SH3PXD2B: variants seen among roughly 807,000 people sequenced by gnomAD.
SH3PXD2B encodes the protein SH3 and PX domain-containing protein 2B.
SH3PXD2B carries 37 observed loss-of-function variants against 73.1 expected under a neutral mutation model. The ratio of observed to expected loss-of-function variants is 0.51; its 90% CI spans 0.39 to 0.67. SH3PXD2B has a LOEUF of 0.67. Among genes scored for constraint, SH3PXD2B ranks in the 30% least tolerant of loss-of-function variants. The pLI, the probability that SH3PXD2B is intolerant of heterozygous loss-of-function variation, is 0.00. For synonymous variants in SH3PXD2B, 457 were observed against 480.5 expected (o/e 0.95, Z 0.64); for missense variants, 1,053 against 1,197.8 (o/e 0.88, Z 1.78).
intron 5 of SH3PXD2B, among the ~76,000 whole-genome samples, chr5:172,379,720 C>T (rs1757900177): frequency 6.6e-6 from 1 of 152,222 alleles, no homozygotes; most frequent in Admixed American, 6.5e-5. Context: ...GGCAGTCACT[C>T]AGTCCTCAAC....
chr5:172,431,849 C>T (rs1759252828), intron 1 of SH3PXD2B, among the ~76,000 whole-genome samples: 1 of 152,050 alleles, frequency 6.6e-6, no homozygotes, highest in South Asian at 2.1e-4. Context: ...AACTTTGTTG[C>T]GTGTGTGTTT....
In SH3PXD2B at chr5:172,338,393, G is replaced by A; in HGVS notation, c.2712C>T (p.Ser904=). ...GAPSWEGWIP[S]NYLRKKP ...GCTACGGCTTCTTTCTGAGATAGTT[G>A]GAAGGAATCCACCCTTCCCAGGAAG... The change falls in exon 13 of 13, where the codon TCC becomes TCT. Residue 904 remains serine (S), a synonymous_variant. Transcript: ENST00000311601. This position sits in a 1 kb window ranked among gnomAD's most constrained non-coding sequence, Gnocchi z 5.1. 6.2e-7 allele frequency: 1 copy of A among 1,614,142 alleles called. No homozygotes were observed. The highest frequency in any genetic ancestry group is 1.1e-5 in the South Asian group (1 of 91,088).
intron 3 of SH3PXD2B, among the ~76,000 whole-genome samples, chr5:172,395,787 G>C (rs568929166): frequency 1.6e-3 from 237 of 151,740 alleles, no homozygotes; most frequent in African/African-American, 5.5e-3. Context: ...ATGGAGATAA[G>C]CCTCTACCAA....
chr5:172,392,349 C>T (rs1261063056), intron 4 of SH3PXD2B, among the ~76,000 whole-genome samples: 6 of 152,172 alleles, frequency 3.9e-5, no homozygotes, highest in African/African-American at 1.4e-4. Flanking sequence ...GGCCCTGCTG[C>T]CTAGACTTCC....
chr5:172,334,103 C>T lies in SH3PXD2B; in HGVS notation c.*4266G>A. On this transcript the variant is annotated 3_prime_UTR_variant, in exon 13 of 13. Coordinates refer to ENST00000311601, the MANE Select transcript of SH3PXD2B (RefSeq NM_001017995.3). Reference sequence around the variant, plus strand: ...TTGAGCCCCTCATCCCTGATTGGAGCTAAGAAGGCTTACTTTGGAGTCGAG... The same window carrying T: ...TTGAGCCCCTCATCCCTGATTGGAGTTAAGAAGGCTTACTTTGGAGTCGAG... 8.9e-7 allele frequency: 1 copy of T among 1,122,170 alleles called. No homozygotes were observed. The highest frequency in any genetic ancestry group is 1.1e-6 in the Non-Finnish European group (1 of 913,424). 69.5% of individuals were successfully genotyped at this position (1,122,170 alleles called of 1,614,324 possible).
intron 1 of SH3PXD2B, among the ~76,000 whole-genome samples, chr5:172,439,343 T>A (rs1759489419): frequency 6.6e-6 from 1 of 150,868 alleles, no homozygotes; most frequent in Admixed American, 6.6e-5. Flanking sequence ...CTATGAATCC[T>A]GCCTCTATAG....
chr5:172,411,967 C>T (rs558113086), intron 2 of SH3PXD2B, among the ~76,000 whole-genome samples: 59 of 151,866 alleles, frequency 3.9e-4, no homozygotes, highest in African/African-American at 1.3e-3. Context: ...GTGACTCCCC[C>T]CTCTCCCTCC....
At chr5:172,450,644 C>G (rs1759773956) in intron 1 of SH3PXD2B, among the ~76,000 whole-genome samples, 1 of 152,126 alleles carries the variant, frequency 6.6e-6, no homozygotes, top group Non-Finnish European at 1.5e-5. Context: ...CAGAGCAGGC[C>G]AGCATCTCCA....
chr5:172,433,685 G>A (rs2113487978), intron 1 of SH3PXD2B, among the ~76,000 whole-genome samples: 1 of 152,278 alleles, frequency 6.6e-6, no homozygotes, highest in African/African-American at 2.4e-5. Flanking sequence ...CAGCAGATGG[G>A]CCCCAACCCG....
intron 4 of SH3PXD2B, among the ~76,000 whole-genome samples, chr5:172,388,127 A>G (rs1241398530): frequency 2.0e-5 from 3 of 152,228 alleles, no homozygotes; most frequent in Non-Finnish European, 2.9e-5. Context: ...GAGTCTGTCT[A>G]TCCGTGTGCT....
At position 172,350,565 on chromosome 5, in the gene SH3PXD2B, G is replaced by A. The variant is rs1757139900; in HGVS notation, c.810C>T (p.Ala270=). The change falls in exon 10 of 13, where the codon GCC becomes GCT. Residue 270 remains alanine, a synonymous_variant. Transcript: ENST00000311601. ...KIRYQGKEGW[A]PASYLKKNSG... is the part of the protein sequence containing the mutation. ...TGTTCTTCTTTAGGTAGGAGGCGGG[G>A]GCCCAGCCTTCTTTGCCCTGGTACC... The A allele has an allele frequency of 1.9e-6, 3 of 1,611,616 alleles. No homozygotes were observed. The highest frequency in any genetic ancestry group is 2.2e-5 in the South Asian group (2 of 90,544).
chr5:172,430,377 T>TA (rs1227090156), intron 1 of SH3PXD2B, among the ~76,000 whole-genome samples: 2 of 152,314 alleles, frequency 1.3e-5, no homozygotes, highest in East Asian at 3.9e-4. Context: ...ATGGCCCCCA[T>TA]AGTCCTGGGA....
intron 2 of SH3PXD2B, among the ~76,000 whole-genome samples, chr5:172,414,456 T>TAAAAA (rs1007937801): frequency 6.4e-5 from 5 of 77,550 alleles, no homozygotes; most frequent in African/African-American, 1.5e-4. Context: ...GACTCCATCT[T>TAAAAA]AAAAAAAAAA....
At chr5:172,402,551 T>C (rs534346480) in intron 3 of SH3PXD2B, among the ~76,000 whole-genome samples, 1 of 152,270 alleles carries the variant, frequency 6.6e-6, no homozygotes, top group South Asian at 2.1e-4. Context: ...ATGTGATGTC[T>C]CCCCCAGACA....
In SH3PXD2B at chr5:172,398,938, T is replaced by C. The variant is rs372583127; in HGVS notation, c.233-4299A>G. Among the ~76,000 whole-genome samples, 18 of 152,300 alleles carry C rather than the reference T, an allele frequency of 1.2e-4. No homozygotes were observed. The South Asian group carries it at 3.5e-3, about 30-fold the overall frequency. On this transcript the variant is annotated intron_variant, in intron 3 of 12. Coordinates refer to ENST00000311601, the MANE Select transcript of SH3PXD2B (RefSeq NM_001017995.3). The stretch of plus-strand genomic sequence containing the variant: ...TCATTACACTCCCTTACTGGACTAA[T>C]AGTTCAACATAATGATTTAGTGGAG...
rs557156288 is a variant in SH3PXD2B at position 172,429,546 on chromosome 5, T to A, written c.76-7050A>T. Reference sequence around the variant, plus strand: ...CTCTCCAACCTGATTGCAAACCCAGTTTCACCAGGAACAGAAGTCCCGGGT... The same window carrying A: ...CTCTCCAACCTGATTGCAAACCCAGATTCACCAGGAACAGAAGTCCCGGGT... On this transcript the variant is annotated intron_variant, in intron 1 of 12. Transcript: ENST00000311601. Among the ~76,000 whole-genome samples the A allele has an allele frequency of 3.3e-5, 5 of 152,248 alleles. No individual in the cohort carries two copies. In the South Asian group the frequency reaches 1.0e-3, roughly 32 times the overall value.
At chr5:172,373,924 TC>T in intron 5 of SH3PXD2B, 109 bp from the exon 6 acceptor site, 1 of 1,206,324 alleles carries the variant, frequency 8.3e-7, no homozygotes, top group Non-Finnish European at 1.2e-6. Context: ...CACAACATCA[TC>T]AGTGAATGAA....
intron 1 of SH3PXD2B, among the ~76,000 whole-genome samples, chr5:172,425,519 G>A (rs1248247593): frequency 6.6e-6 from 1 of 152,076 alleles, no homozygotes; most frequent in Non-Finnish European, 1.5e-5. Flanking sequence ...GGGCGTACAG[G>A]GAAAAAGAAA....
At chr5:172,452,575 A>G (rs1759819903) in intron 1 of SH3PXD2B, among the ~76,000 whole-genome samples, 1 of 152,126 alleles carries the variant, frequency 6.6e-6, no homozygotes, top group Non-Finnish European at 1.5e-5. Context: ...TCATCTGTCA[A>G]ATGGGCTTAA....
Sources: gnomAD v4.1 joint callset for allele counts (sites outside exome capture counted in the v4.1 genomes callset) on GRCh38, gnomAD v4.1.1 for gene constraint, Gnocchi (gnomAD v3.1) non-coding constraint, MANE v1.5 for transcripts, NCBI Gene and HGNC (gene_info 2026-07-23, HGNC 2026-07-21) for gene names.